BCAT1: variants seen among roughly 807,000 people sequenced by gnomAD.
BCAT1 encodes branched-chain-amino-acid aminotransferase, cytosolic.
BCAT1 carries 48 observed loss-of-function variants against 52.4 expected under a neutral mutation model. The observed-to-expected ratio is 0.92, with a 90% CI of 0.73 to 1.16. The LOEUF is 1.16. Ranked by LOEUF, BCAT1 falls within the 50% of genes most tolerant of loss-of-function variation. The probability of loss-of-function intolerance (pLI) is 0.00; values close to 1 mark genes in which losing one functional copy is unlikely to be tolerated. For synonymous variants in BCAT1, 167 were observed against 161.3 expected (o/e 1.04, Z -0.27); for missense variants, 451 against 457.1 (o/e 0.99, Z 0.12).
intron 2 of BCAT1, among the ~76,000 whole-genome samples, chr12:24,897,201 G>C (rs1305652919): frequency 1.3e-5 from 2 of 151,942 alleles, no homozygotes; most frequent in South Asian, 4.2e-4. Context: ...GATGAGAGTG[G>C]GTGACAAGAA....
chr12:24,920,148 A>C (rs1943481199), intron 1 of BCAT1, among the ~76,000 whole-genome samples: 1 of 152,254 alleles, frequency 6.6e-6, no homozygotes, highest in African/African-American at 2.4e-5. Context: ...TAAATGAGAT[A>C]AATCATGTAA....
chr12:24,834,814 A>C lies in BCAT1; in HGVS notation c.903+1697T>G, dbSNP rs560474564. 3 of 1,118,264 alleles carry C rather than the reference A, an allele frequency of 2.7e-6. No homozygotes were observed. In the East Asian group the frequency reaches 2.6e-4, roughly 98 times the overall value. 69.3% of individuals were successfully genotyped at this position (1,118,264 alleles called of 1,614,324 possible). ...ACAAGCTGAGTTCTGTGTCCTGAAA[A>C]AGAAAAGAAAAGAAAACTCTTTTGT... On this transcript the variant is annotated intron_variant, in intron 8 of 10. Coordinates refer to ENST00000261192, the MANE Select transcript of BCAT1 (RefSeq NM_005504.7).
chr12:24,937,907 T>G (rs1943788394), intron 1 of BCAT1, among the ~76,000 whole-genome samples: 1 of 152,200 alleles, frequency 6.6e-6, no homozygotes, highest in South Asian at 2.1e-4. Flanking sequence ...TGATGGAATT[T>G]GGTGTGTGAT....
chr12:24,899,551 G>T (rs1591855444), intron 2 of BCAT1, among the ~76,000 whole-genome samples: 1 of 152,094 alleles, frequency 6.6e-6, no homozygotes, highest in East Asian at 1.9e-4. Context: ...CAAAGGAAAG[G>T]AAATCAGTAT....
chr12:24,890,846 T>C (rs1012056127), intron 3 of BCAT1, among the ~76,000 whole-genome samples: 1 of 152,196 alleles, frequency 6.6e-6, no homozygotes, highest in African/African-American at 2.4e-5. Flanking sequence ...TTATTTTACT[T>C]TGTGGACTCT....
chr12:24,871,077 T>A (rs1333771497), intron 5 of BCAT1, among the ~76,000 whole-genome samples: 2 of 152,040 alleles, frequency 1.3e-5, no homozygotes, highest in African/African-American at 4.8e-5. Flanking sequence ...AAGCACTGAG[T>A]ACAGTGCCTG....
At chr12:24,939,698 A>G (rs1488577368) in intron 1 of BCAT1, among the ~76,000 whole-genome samples, 1 of 152,122 alleles carries the variant, frequency 6.6e-6, no homozygotes, top group African/African-American at 2.4e-5. Context: ...CTAGCCAAGC[A>G]TGGTGGCAGG....
At chr12:24,822,341 A>T (rs775464770) in intron 10 of BCAT1, among the ~76,000 whole-genome samples, 1 of 152,206 alleles carries the variant, frequency 6.6e-6, no homozygotes, top group Non-Finnish European at 1.5e-5. Flanking sequence ...TGAAAAGTCA[A>T]ATCTGTGGTT....
rs1467808566 is a variant in BCAT1 at position 24,836,558 on chromosome 12, G to A, written c.856C>T (p.Leu286Phe). The change falls in exon 8 of 11, where the codon CTT becomes TTT. Residue 286 changes from leucine to phenylalanine, a missense_variant. Transcript: ENST00000261192. ...LATPPLDGII[L>F]PGVTRRCILD... ...ATGCACCGCCTTGTCACTCCTGGAA[G>A]AATGATGCCATCTAGTGGAGGAGTT... is the stretch of plus-strand genomic sequence containing the variant. The A allele has an allele frequency of 1.2e-6, 2 of 1,613,148 alleles. No homozygotes were observed. Among genetic ancestry groups the A allele is most frequent in the East Asian group, 4.5e-5 (2 of 44,858 alleles).
chr12:24,820,504 G>C (rs756730833), intron 10 of BCAT1, among the ~76,000 whole-genome samples: 10 of 152,154 alleles, frequency 6.6e-5, no homozygotes, highest in Non-Finnish European at 1.5e-4. Flanking sequence ...TCATGGACTA[G>C]GATGTCATTA....
intron 1 of BCAT1, chr12:24,903,085 C>T (rs1234375881): frequency 2.2e-6 from 3 of 1,383,558 alleles, no homozygotes; most frequent in Admixed American, 3.5e-5. Flanking sequence ...CCCCGGCGCA[C>T]GGCCCATAGG....
At chr12:24,932,360 T>C (rs892099310) in intron 1 of BCAT1, among the ~76,000 whole-genome samples, 6 of 152,208 alleles carry the variant, frequency 3.9e-5, no homozygotes, top group East Asian at 1.9e-4. Flanking sequence ...CTGTTCCATA[T>C]GCATGGGACA....
At chr12:24,943,493 G>GA (rs4031153) in intron 1 of BCAT1, among the ~76,000 whole-genome samples, 12,883 of 58,404 alleles carry the variant, frequency 0.22, 1,639 homozygotes, top group African/African-American at 0.26. Flanking sequence ...ACCCTATCTG[G>GA]AAAAAAAAAA....
chr12:24,920,432 A>G (rs73293742), intron 1 of BCAT1, among the ~76,000 whole-genome samples: 3,715 of 152,222 alleles, frequency 0.024, 123 homozygotes, highest in African/African-American at 0.071. Flanking sequence ...TGACCACTCC[A>G]GATTTTTATT....
At chr12:24,903,431 A>C in intron 1 of BCAT1, 2 of 159,766 alleles carry the variant, frequency 1.3e-5, no homozygotes, top group Non-Finnish European at 2.7e-5. Flanking sequence ...TCCAAATCCA[A>C]CTGACAAAAA....
chr12:24,824,275 C>CTT (rs1184958507), intron 10 of BCAT1, among the ~76,000 whole-genome samples: 3 of 140,616 alleles, frequency 2.1e-5, no homozygotes, highest in African/African-American at 5.8e-5. Context: ...TCATTCCCTC[C>CTT]CTCCCTCCCT....
chr12:24,909,913 C>T lies in BCAT1; in HGVS notation c.7-8028G>A, dbSNP rs539176710. On this transcript the variant is annotated intron_variant, in intron 1 of 10. Coordinates refer to ENST00000261192, the MANE Select transcript of BCAT1 (RefSeq NM_005504.7). ...GCTCATTAGTCAACAGTGCAACATC[C>T]AGCATCACTGTCAGCCCTGTGAGTG... Among the ~76,000 whole-genome samples, 7 of 152,222 alleles carry T rather than the reference C, an allele frequency of 4.6e-5. No homozygotes were observed. In the East Asian group the frequency reaches 1.2e-3, roughly 25 times the overall value.
At chr12:24,937,689 TG>T (rs1943783661) in intron 1 of BCAT1, among the ~76,000 whole-genome samples, 1 of 152,086 alleles carries the variant, frequency 6.6e-6, no homozygotes, top group Non-Finnish European at 1.5e-5. Flanking sequence ...CCCACCGGGT[TG>T]AGGAGTTTTT....
At chr12:24,828,199 TGTAA>T (rs1940490521) in intron 10 of BCAT1, among the ~76,000 whole-genome samples, 1 of 152,252 alleles carries the variant, frequency 6.6e-6, no homozygotes, top group African/African-American at 2.4e-5. Context: ...TACTTTTCAA[TGTAA>T]GTCTCAGGCC....
Sources: allele counts gnomAD v4.1 joint callset (sites outside exome capture counted in the v4.1 genomes callset), GRCh38; gene constraint gnomAD v4.1.1; transcripts MANE v1.5; gene names NCBI Gene and HGNC (gene_info 2026-07-23, HGNC 2026-07-21).